Variants in GRIK2 observed in about 807,000 individuals in gnomAD.
The protein encoded by GRIK2 is glutamate receptor ionotropic, kainate 2.
In GRIK2, 32 loss-of-function variants were observed where a neutral mutation model predicts 100.3. The ratio of observed to expected loss-of-function variants is 0.32; its 90% CI spans 0.24 to 0.43. The LOEUF is 0.43. GRIK2 is among the 20% of genes least tolerant of loss of function. GRIK2 has a pLI of 1.00. For synonymous variants in GRIK2, 417 were observed against 389.4 expected (o/e 1.07, Z -0.83); for missense variants, 843 against 1,114.9 (o/e 0.76, Z 3.47).
chr6:101,839,569 A>G (rs1189373849), intron 10 of GRIK2, among the ~76,000 whole-genome samples: 1 of 152,184 alleles, frequency 6.6e-6, no homozygotes, highest in Non-Finnish European at 1.5e-5. Context: ...GAACAGTATG[A>G]TCAAGTTGGG....
intron 7 of GRIK2, among the ~76,000 whole-genome samples, chr6:101,732,063 TATATA>T (rs2128371764): frequency 6.6e-6 from 1 of 152,164 alleles, no homozygotes; most frequent in East Asian, 1.9e-4. Flanking sequence ...CAAAAATTAT[TATATA>T]ATACATTTGT....
chr6:101,834,026 A>C (rs1025721546), intron 10 of GRIK2, among the ~76,000 whole-genome samples: 1 of 152,084 alleles, frequency 6.6e-6, no homozygotes, highest in Non-Finnish European at 1.5e-5. Context: ...GAAATGCTTC[A>C]GTAGCTTTCA....
At chr6:102,053,513 G>A (rs996779763) in intron 15 of GRIK2, among the ~76,000 whole-genome samples, 2 of 152,150 alleles carry the variant, frequency 1.3e-5, no homozygotes, top group Non-Finnish European at 2.9e-5. Flanking sequence ...AACATTTGCT[G>A]AGAGCCTATG....
rs1776883118 is a variant in GRIK2, at chr6:101,752,969, A to C, written c.952-46679A>C. ...GGTAAACTTTGAATTATTGGTCTGCAATATGGTAAAACTGAATATTTTAAA... is the reference window on the plus strand; with the variant it reads ...GGTAAACTTTGAATTATTGGTCTGCCATATGGTAAAACTGAATATTTTAAA... On this transcript the variant is annotated intron_variant, in intron 7 of 16. Transcript: ENST00000369134. 2.0e-5 allele frequency among the ~76,000 whole-genome samples: 3 copies of C among 152,330 alleles called. No homozygotes were observed. In the South Asian group the frequency reaches 6.2e-4, roughly 32 times the overall value.
intron 14 of GRIK2, among the ~76,000 whole-genome samples, chr6:102,018,804 C>T (rs1288544388): frequency 6.6e-6 from 1 of 151,988 alleles, no homozygotes; most frequent in Non-Finnish European, 1.5e-5. Flanking sequence ...AAATGCTGGG[C>T]TGGAAGCAGT....
chr6:101,792,881 A>G (rs1315251955), intron 7 of GRIK2, among the ~76,000 whole-genome samples: 1 of 151,976 alleles, frequency 6.6e-6, no homozygotes, highest in Non-Finnish European at 1.5e-5. Context: ...ACATAGTCCC[A>G]TATTTCTTGG....
intron 2 of GRIK2, among the ~76,000 whole-genome samples, chr6:101,525,410 G>GGT (rs1406950683): frequency 6.6e-6 from 1 of 152,062 alleles, no homozygotes; most frequent in African/African-American, 2.4e-5. Flanking sequence ...TGATTATGGT[G>GGT]GTGTGTGAGT....
chr6:101,967,775 G>A lies in GRIK2; in HGVS notation c.2085+39143G>A, dbSNP rs528704100. Among the ~76,000 whole-genome samples the A allele has an allele frequency of 8.6e-5, 13 of 152,046 alleles. No homozygotes were observed. In the East Asian group the frequency reaches 1.5e-3, roughly 18 times the overall value. ...TCTCATTCATGTTTAACCCAATAAC[G>A]AATAGAGTTTCATTATTCATCTCAT... On this transcript the variant is annotated intron_variant, in intron 14 of 16. Transcript: ENST00000369134.
chr6:101,538,833 A>G (rs1775848765), intron 2 of GRIK2, among the ~76,000 whole-genome samples: 2 of 151,746 alleles, frequency 1.3e-5, no homozygotes, highest in East Asian at 1.9e-4. Context: ...GATAATTAAA[A>G]TGTTGTTGCC....
At chr6:101,670,385 G>A (rs1007016135) in intron 4 of GRIK2, among the ~76,000 whole-genome samples, 5 of 152,012 alleles carry the variant, frequency 3.3e-5, no homozygotes, top group African/African-American at 1.2e-4. Flanking sequence ...AGGGAAACTG[G>A]CAAACTGAAA....
At position 101,675,274 on chromosome 6, in the gene GRIK2, C is replaced by T. The variant is rs116320662; in HGVS notation, c.542-1349C>T. Among the ~76,000 whole-genome samples, 1,036 of 145,816 alleles carry T rather than the reference C, an allele frequency of 7.1e-3. 7 individuals carry two copies. The highest frequency in any genetic ancestry group is 0.024 in the African/African-American group (949 of 39,994). ...CATACATACAGACAGTACATGTACG[C>T]ACACGCGCACGCACACGCAGACACA... On this transcript the variant is annotated intron_variant, in intron 4 of 16. Coordinates refer to ENST00000369134, the MANE Select transcript of GRIK2 (RefSeq NM_021956.5).
chr6:101,792,038 T>A (rs1345008423), intron 7 of GRIK2, among the ~76,000 whole-genome samples: 3 of 152,004 alleles, frequency 2.0e-5, no homozygotes, highest in Non-Finnish European at 4.4e-5. Flanking sequence ...ACCCCTGCCT[T>A]TTTTTGTTTT....
intron 2 of GRIK2, among the ~76,000 whole-genome samples, chr6:101,446,968 T>C (rs1281669500): frequency 1.4e-5 from 1 of 69,752 alleles, no homozygotes; most frequent in East Asian, 4.1e-4. Context: ...TGCTTATATA[T>C]TTATATATTA....
At chr6:101,441,451 A>G (rs1265437809) in intron 2 of GRIK2, among the ~76,000 whole-genome samples, 1 of 152,180 alleles carries the variant, frequency 6.6e-6, no homozygotes, top group Non-Finnish European at 1.5e-5. Context: ...GTGAGAGAAC[A>G]AGTTTTTTGT....
chr6:101,446,565 C>T (rs926224615), intron 2 of GRIK2, among the ~76,000 whole-genome samples: 4 of 151,786 alleles, frequency 2.6e-5, no homozygotes, highest in African/African-American at 9.7e-5. Context: ...TGTAAAAGAG[C>T]TTGATTACAT....
At chr6:101,442,863 C>T (rs1362374850) in intron 2 of GRIK2, among the ~76,000 whole-genome samples, 2 of 152,140 alleles carry the variant, frequency 1.3e-5, no homozygotes, top group African/African-American at 4.8e-5. Context: ...ACTGTTTTCC[C>T]AGATTTCTTT....
chr6:101,751,215 A>G (rs1776765886), intron 7 of GRIK2, among the ~76,000 whole-genome samples: 1 of 152,038 alleles, frequency 6.6e-6, no homozygotes, highest in African/African-American at 2.4e-5. Flanking sequence ...CTGGGATTTC[A>G]GGCATGAGCC....
intron 4 of GRIK2, among the ~76,000 whole-genome samples, chr6:101,640,021 T>A (rs1417646134): frequency 6.6e-6 from 1 of 152,212 alleles, no homozygotes; most frequent in Non-Finnish European, 1.5e-5. Context: ...ATTTTACTAT[T>A]CATAAATACT....
At chr6:101,561,705 G>T (rs570381704) in intron 2 of GRIK2, among the ~76,000 whole-genome samples, 1 of 152,216 alleles carries the variant, frequency 6.6e-6, no homozygotes, top group South Asian at 2.1e-4. Context: ...GGACTAGAAG[G>T]GAAATCATTA....
Sources: gnomAD v4.1 joint callset for allele counts (sites outside exome capture counted in the v4.1 genomes callset) on GRCh38, gnomAD v4.1.1 for gene constraint, MANE v1.5 for transcripts, NCBI Gene and HGNC (gene_info 2026-07-23, HGNC 2026-07-21) for gene names.